KIAA0232: variants seen among roughly 807,000 people sequenced by gnomAD.
KIAA0232 encodes uncharacterized protein KIAA0232.
A neutral mutation model predicts 122.0 loss-of-function variants in KIAA0232; 27 were observed. The ratio of observed to expected loss-of-function variants is 0.22; its 90% CI spans 0.16 to 0.31. KIAA0232 has a LOEUF of 0.31. Among genes scored for constraint, KIAA0232 ranks in the 10% least tolerant of loss-of-function variants. The pLI is 1.00. For synonymous variants in KIAA0232, 613 were observed against 587.6 expected, an observed-to-expected ratio of 1.04 and a Z score of -0.63; for missense variants, 1,551 against 1,634.2, an observed-to-expected ratio of 0.95 and a Z score of 0.88.
intron 1 of KIAA0232, among the ~76,000 whole-genome samples, chr4:6,800,365 G>A (rs563967840): frequency 6.7e-6 from 1 of 149,644 alleles, no homozygotes; most frequent in South Asian, 2.1e-4. Context: ...CTATTTTCTT[G>A]ATGTGTTCTG....
At chr4:6,856,018 T>C (rs1368747023) in intron 4 of KIAA0232, 1 of 186,850 alleles carries the variant, frequency 5.4e-6, no homozygotes, top group Non-Finnish European at 1.0e-5. Context: ...CCTATTTTTC[T>C]ATCTTCCTAT....
chr4:6,790,021 C>T (rs1199605373), intron 1 of KIAA0232, among the ~76,000 whole-genome samples: 2 of 151,578 alleles, frequency 1.3e-5, no homozygotes, highest in Admixed American at 6.6e-5. Context: ...TGAGCGAGAC[C>T]CTGTCTCAAG....
At chr4:6,837,782 C>T (rs558120977) in intron 3 of KIAA0232, among the ~76,000 whole-genome samples, 3 of 152,264 alleles carry the variant, frequency 2.0e-5, no homozygotes, top group South Asian at 2.1e-4. Context: ...GCGTGGGCGG[C>T]GCGTGCCAGC....
chr4:6,843,030 A>G (rs76326134), intron 4 of KIAA0232, among the ~76,000 whole-genome samples: 159 of 152,252 alleles, frequency 1.0e-3, no homozygotes, highest in Admixed American at 2.7e-3. Flanking sequence ...TATGATTTAT[A>G]TATTTTTTGT....
intron 5 of KIAA0232, among the ~76,000 whole-genome samples, chr4:6,857,650 G>C (rs925235089): frequency 1.3e-5 from 2 of 152,152 alleles, no homozygotes; most frequent in African/African-American, 4.8e-5. Flanking sequence ...ATTAAATTAA[G>C]ATGTTAAGAC....
intron 1 of KIAA0232, among the ~76,000 whole-genome samples, chr4:6,790,512 A>G (rs1173093466): frequency 6.7e-6 from 1 of 150,240 alleles, no homozygotes; most frequent in Admixed American, 6.7e-5. Flanking sequence ...CTCCTGCCTC[A>G]GCTGGGACTA....
At chr4:6,799,732 G>A (rs1348800581) in intron 1 of KIAA0232, among the ~76,000 whole-genome samples, 1 of 152,048 alleles carries the variant, frequency 6.6e-6, no homozygotes, top group East Asian at 1.9e-4. Context: ...GGCTCGCTCT[G>A]TTGCCAGGCT....
intron 1 of KIAA0232, among the ~76,000 whole-genome samples, chr4:6,789,124 A>G (rs990826106): frequency 6.6e-6 from 1 of 151,578 alleles, no homozygotes; most frequent in Non-Finnish European, 1.5e-5. Context: ...GCGCCCGACC[A>G]CAACGCCCGG....
At chr4:6,856,011 A>G (rs183674641) in intron 4 of KIAA0232, 2 of 208,132 alleles carry the variant, frequency 9.6e-6, no homozygotes, top group East Asian at 1.9e-4. Flanking sequence ...TGTCTGGCCT[A>G]TTTTTCTATC....
At chr4:6,829,447 A>AATG (rs1436551243) in intron 3 of KIAA0232, among the ~76,000 whole-genome samples, 2 of 152,210 alleles carry the variant, frequency 1.3e-5, no homozygotes, top group African/African-American at 4.8e-5. Flanking sequence ...TAACTCAGTG[A>AATG]TCCCCTCTAC....
intron 8 of KIAA0232, among the ~76,000 whole-genome samples, chr4:6,874,847 T>C (rs1721666778): frequency 6.9e-6 from 1 of 145,218 alleles, no homozygotes; most frequent in Admixed American, 7.0e-5. Flanking sequence ...ATGAAGACTA[T>C]CAGCAGCAGT....
At chr4:6,843,052 A>G (rs73080528) in intron 4 of KIAA0232, among the ~76,000 whole-genome samples, 2,459 of 152,324 alleles carry the variant, frequency 0.016, 65 homozygotes, top group African/African-American at 0.056. Flanking sequence ...TTTAGAAAAT[A>G]TTACAATATT....
intron 3 of KIAA0232, among the ~76,000 whole-genome samples, chr4:6,832,167 T>C (rs529052152): frequency 2.0e-5 from 3 of 152,354 alleles, no homozygotes; most frequent in Middle Eastern, 3.4e-3. Context: ...GGTTTTGATA[T>C]ATATTTTGTC....
At chr4:6,830,835 A>G (rs894699926) in intron 3 of KIAA0232, among the ~76,000 whole-genome samples, 3 of 151,982 alleles carry the variant, frequency 2.0e-5, no homozygotes, top group African/African-American at 4.8e-5. Context: ...TTTGCTATGG[A>G]ACTGTTCCTG....
chr4:6,869,066 G>C (rs1315010048), intron 7 of KIAA0232, among the ~76,000 whole-genome samples: 1 of 152,144 alleles, frequency 6.6e-6, no homozygotes, highest in Non-Finnish European at 1.5e-5. Context: ...CAAAGATGAG[G>C]AAGACGTGGT....
intron 2 of KIAA0232, among the ~76,000 whole-genome samples, chr4:6,813,963 T>C (rs1245955778): frequency 6.6e-6 from 1 of 152,096 alleles, no homozygotes; most frequent in African/African-American, 2.4e-5. Context: ...AATGTTAATA[T>C]TGACCCCAGA....
chr4:6,850,208 C>A (rs1720201960), intron 4 of KIAA0232, among the ~76,000 whole-genome samples: 1 of 152,086 alleles, frequency 6.6e-6, no homozygotes, highest in Admixed American at 6.5e-5. Flanking sequence ...AGTTTGAGGA[C>A]CAGAAAGGGC....
At chr4:6,804,207 A>G (rs1478377258) in intron 1 of KIAA0232, among the ~76,000 whole-genome samples, 1 of 152,148 alleles carries the variant, frequency 6.6e-6, no homozygotes, top group Non-Finnish European at 1.5e-5. Flanking sequence ...AGCTGTACCT[A>G]ATACTTAGCA....
chr4:6,836,997 C>T (rs1288132304), intron 3 of KIAA0232, among the ~76,000 whole-genome samples: 2 of 152,226 alleles, frequency 1.3e-5, no homozygotes. Context: ...CCCCACACTT[C>T]CCCCCTTTCT....
Sources: allele counts gnomAD v4.1 joint callset (sites outside exome capture counted in the v4.1 genomes callset), GRCh38; gene constraint gnomAD v4.1.1; transcripts MANE v1.5; gene names NCBI Gene and HGNC (gene_info 2026-07-23, HGNC 2026-07-21).